The following ZNF346 variants were observed in gnomAD, a reference collection of about 807,000 sequenced individuals.
ZNF346 encodes the protein double-stranded RNA-binding zinc finger protein JAZ.
Under a neutral mutation model 33.7 loss-of-function variants are expected in ZNF346, and 23 were observed. The observed-to-expected ratio is 0.68, with a 90% CI of 0.49 to 0.97. The LOEUF (loss-of-function observed/expected upper bound fraction) is 0.97. Ranked by LOEUF, ZNF346 falls within the 50% of genes least tolerant of loss-of-function variation. The probability of loss-of-function intolerance (pLI) is 0.00; values close to 1 mark genes in which losing one functional copy is unlikely to be tolerated. For missense variants in ZNF346, 340 were observed against 371.1 expected (o/e 0.92, Z 0.69); for synonymous variants, 134 against 142.4 (o/e 0.94, Z 0.42).
At chr5:177,048,197 G>A (rs1014157710) in intron 4 of ZNF346, among the ~76,000 whole-genome samples, 1 of 151,904 alleles carries the variant, frequency 6.6e-6, no homozygotes, top group Non-Finnish European at 1.5e-5. Context: ...TATTGGATGC[G>A]CATTAAATGG....
intron 5 of ZNF346, among the ~76,000 whole-genome samples, chr5:177,056,724 T>C (rs999187407): frequency 7.0e-6 from 1 of 143,732 alleles, no homozygotes; most frequent in African/African-American, 2.6e-5. Context: ...ATGAGAACAC[T>C]TGGACACAGG....
chr5:177,036,142 G>A (rs963214623), intron 1 of ZNF346, among the ~76,000 whole-genome samples: 11 of 152,206 alleles, frequency 7.2e-5, no homozygotes, highest in African/African-American at 2.4e-4. Flanking sequence ...CTGGGAGCTA[G>A]AGCTGAAACA....
intron 8 of ZNF346, among the ~76,000 whole-genome samples, chr5:177,073,828 A>AGG (rs34734185): frequency 3.5e-4 from 24 of 69,210 alleles, no homozygotes; most frequent in South Asian, 1.5e-3. Flanking sequence ...CGGGCGGGGG[A>AGG]GGGGGGGGGT....
At chr5:177,074,805 C>T (rs753048760) in intron 8 of ZNF346, among the ~76,000 whole-genome samples, 78 of 152,326 alleles carry the variant, frequency 5.1e-4, no homozygotes, top group Middle Eastern at 3.4e-3. Flanking sequence ...AGTTGGCTCA[C>T]ACCTGTAATC....
At chr5:177,069,833 C>T (rs1223300262), downstream of ZNF346, among the ~76,000 whole-genome samples, 3 of 151,662 alleles carry the variant, frequency 2.0e-5, no homozygotes, top group Non-Finnish European at 2.9e-5. Context: ...GCTAGTTTTT[C>T]GTATTTTTTG....
chr5:177,039,755 G>A (rs998022018), intron 1 of ZNF346, among the ~76,000 whole-genome samples: 1 of 152,164 alleles, frequency 6.6e-6, no homozygotes, highest in Admixed American at 6.5e-5. Context: ...TGGGATTACA[G>A]GTGTGAGCCA....
chr5:177,056,343 C>G (rs1485822086), intron 5 of ZNF346, among the ~76,000 whole-genome samples: 1 of 152,152 alleles, frequency 6.6e-6, no homozygotes, highest in African/African-American at 2.4e-5. Context: ...CTAGTTCAAC[C>G]ATTGTGGAAG....
intron 1 of ZNF346, among the ~76,000 whole-genome samples, chr5:177,038,300 T>C (rs1778837177): frequency 6.8e-6 from 1 of 147,132 alleles, no homozygotes; most frequent in Admixed American, 6.9e-5. Context: ...TTTGTAGAGA[T>C]GTGGCTCTCC....
At chr5:177,070,293 G>A (rs1783440221), downstream of ZNF346, among the ~76,000 whole-genome samples, 3 of 151,992 alleles carry the variant, frequency 2.0e-5, no homozygotes, top group Non-Finnish European at 4.4e-5. Context: ...TTGAAATCAG[G>A]GCCCTTCTTA....
chr5:177,050,842 TTATG>T lies in ZNF346; in HGVS notation c.611_614del (p.Tyr204TrpfsTer14). On this transcript the variant is annotated frameshift_variant, in exon 5 of 7. Coordinates refer to ENST00000358149, the MANE Select transcript of ZNF346 (RefSeq NM_012279.4). LOFTEE classifies it high-confidence loss of function. ...ACGACCCTGTCATGGCTCAACAACA[TTATG>T]TGGGCAAGAAACACAGAAAACAGGA... 1 of 1,614,036 alleles carries T rather than the reference TTATG, an allele frequency of 6.2e-7. No individual in the cohort carries two copies. The highest frequency in any genetic ancestry group is 8.5e-7 in the Non-Finnish European group (1 of 1,180,006).
At chr5:177,048,738 A>G (rs115782118) in intron 4 of ZNF346, among the ~76,000 whole-genome samples, 2,947 of 151,598 alleles carry the variant, frequency 0.019, 45 homozygotes, top group Non-Finnish European at 0.031. Context: ...TATAAAATTG[A>G]GGACATAAGA....
intron 1 of ZNF346, among the ~76,000 whole-genome samples, chr5:177,027,952 C>T (rs1332250958): frequency 2.3e-5 from 3 of 128,052 alleles, no homozygotes; most frequent in South Asian, 2.5e-4. Flanking sequence ...CAGCTGGCTT[C>T]GGCTTTTCTT....
intron 5 of ZNF346, among the ~76,000 whole-genome samples, chr5:177,057,816 A>G (rs2456179): frequency 6.1e-4 from 91 of 148,822 alleles, no homozygotes; most frequent in East Asian, 3.2e-3. Flanking sequence ...TTATTTATTT[A>G]TTTATTTATT....
intron 4 of ZNF346, among the ~76,000 whole-genome samples, chr5:177,047,030 T>TTATA (rs1554148733): frequency 5.5e-4 from 82 of 147,866 alleles, no homozygotes; most frequent in Middle Eastern, 3.5e-3. Context: ...TTTTATTTAT[T>TTATA]TTTATTTATT....
Position 177,066,890 on chromosome 5 carries a change from C to T in ZNF346, c.*2291C>T, listed in dbSNP as rs944260358. Among the ~76,000 whole-genome samples the T allele has an allele frequency of 2.0e-5, 3 of 152,040 alleles. No individual in the cohort carries two copies. Among genetic ancestry groups the T allele is most frequent in the Non-Finnish European group, 4.4e-5 (3 of 68,022 alleles). On this transcript the variant is annotated 3_prime_UTR_variant, in exon 7 of 7. Coordinates refer to ENST00000358149, the MANE Select transcript of ZNF346 (RefSeq NM_012279.4). ...CCTGGCCAACATGATGGCAAAACCC[C>T]GTCCCTATAAAAAATACGAAAATCA... is the stretch of plus-strand genomic sequence containing the variant.
chr5:177,050,600 C>T (rs1780717498), intron 4 of ZNF346, 151 bp from the exon 5 acceptor site: 1 of 738,622 alleles, frequency 1.4e-6, no homozygotes, highest in Admixed American at 2.3e-5. Flanking sequence ...GCCACATCTG[C>T]AGTAGGATTA....
At chr5:177,036,353 C>T (rs776255940) in intron 1 of ZNF346, among the ~76,000 whole-genome samples, 1 of 152,156 alleles carries the variant, frequency 6.6e-6, no homozygotes, top group Non-Finnish European at 1.5e-5. Context: ...ATAATTTCTA[C>T]TTTAATGTGT....
In ZNF346 at chr5:177,062,061, G is replaced by T. The variant is rs746693408; in HGVS notation, c.707G>T (p.Gly236Val). The change falls in exon 6 of 7, where the codon GGA becomes GTA. Residue 236 changes from glycine to valine, a missense_variant. By Grantham distance (109) the Gly-to-Val change is moderately radical. Transcript: ENST00000358149. ...ADPAVTDFPA[G>V]KGYPCKTCKI... The stretch of plus-strand genomic sequence containing the variant: ...TCTTGATTTTGATGTGTTTCAGCTG[G>T]AAAGGGCTACCCCTGCAAAACATGT... 6.2e-6 allele frequency: 10 copies of T among 1,613,382 alleles called. No homozygotes were observed. The highest frequency in any genetic ancestry group is 8.5e-6 in the Non-Finnish European group (10 of 1,179,620).
chr5:177,028,040 C>CTTTTTTTTTTTTTT (rs10682528), intron 1 of ZNF346, among the ~76,000 whole-genome samples: 6 of 33,502 alleles, frequency 1.8e-4, no homozygotes, highest in African/African-American at 7.0e-4. Flanking sequence ...CCTTGTGTCA[C>CTTTTTTTTTTTTTT]TTTTTTTTTT....
Sources: gnomAD v4.1 joint callset for allele counts (sites outside exome capture counted in the v4.1 genomes callset) on GRCh38, gnomAD v4.1.1 for gene constraint, MANE v1.5 for transcripts, NCBI Gene and HGNC (gene_info 2026-07-23, HGNC 2026-07-21) for gene names.